Variants in SLC22A2 observed in about 807,000 individuals in gnomAD.
SLC22A2 encodes organic cation transporter 2.
A neutral mutation model predicts 60.5 loss-of-function variants in SLC22A2; 46 were observed. That is an observed-to-expected ratio of 0.76 (90% CI 0.60 to 0.97). SLC22A2 has a LOEUF of 0.97. Among genes scored for constraint, SLC22A2 ranks in the 50% least tolerant of loss-of-function variants. SLC22A2 has a pLI of 0.00. For synonymous variants in SLC22A2, 303 were observed against 267.0 expected, an observed-to-expected ratio of 1.13 and a Z score of -1.31; for missense variants, 701 against 706.6, an observed-to-expected ratio of 0.99 and a Z score of 0.09.
rs113380863 is a variant in SLC22A2 at position 160,242,170 on chromosome 6, G to A, written c.1388+124C>T. 124 of 700,164 alleles carry A rather than the reference G, an allele frequency of 1.8e-4. 1 individual carries two copies. Among genetic ancestry groups the A allele is most frequent in the African/African-American group, 1.5e-3 (85 of 57,232 alleles). 43.4% of individuals were successfully genotyped at this position (700,164 alleles called of 1,614,324 possible). On this transcript the variant is annotated intron_variant, in intron 8 of 10. Transcript: ENST00000366953. The stretch of plus-strand genomic sequence containing the variant: ...CTGCTGGGCCTGGCTGGACCTTTAC[G>A]TGTTCTCACCTTCCCTTACACTGTG...
intron 7 of SLC22A2, among the ~76,000 whole-genome samples, chr6:160,243,102 T>C (rs979184544): frequency 1.3e-5 from 2 of 152,186 alleles, no homozygotes; most frequent in African/African-American, 4.8e-5. Flanking sequence ...GATTCTCTTA[T>C]CCAGGTATTT....
At chr6:160,243,157 T>G (rs1168943581) in intron 7 of SLC22A2, among the ~76,000 whole-genome samples, 1 of 152,220 alleles carries the variant, frequency 6.6e-6, no homozygotes, top group African/African-American at 2.4e-5. Flanking sequence ...AAAAGGGAAC[T>G]GAATAGTTAT....
chr6:160,243,868 G>A (rs1477107715), intron 6 of SLC22A2, 82 bp from the exon 7 acceptor site: 5 of 915,654 alleles, frequency 5.5e-6, no homozygotes, highest in East Asian at 2.5e-5. Context: ...AAAATAATGT[G>A]GATTGTAGGT....
chr6:160,248,158 G>T (rs1412282205), intron 4 of SLC22A2, among the ~76,000 whole-genome samples: 3 of 152,202 alleles, frequency 2.0e-5, no homozygotes, highest in Non-Finnish European at 4.4e-5. Flanking sequence ...TGGAGTTGGG[G>T]CCTGTGGCAG....
At chr6:160,227,314 C>T (rs967723482) in intron 9 of SLC22A2, among the ~76,000 whole-genome samples, 2 of 152,180 alleles carry the variant, frequency 1.3e-5, no homozygotes, top group Admixed American at 6.5e-5. Flanking sequence ...TTAACTCAGG[C>T]ACTCTTTTCT....
At chr6:160,231,808 C>A (rs1364270475) in intron 9 of SLC22A2, among the ~76,000 whole-genome samples, 1 of 151,924 alleles carries the variant, frequency 6.6e-6, no homozygotes, top group Non-Finnish European at 1.5e-5. Flanking sequence ...TAAAAAACAG[C>A]CCTAAAAGCT....
chr6:160,224,740 C>T lies in SLC22A2; in HGVS notation c.1566G>A (p.Leu522=). Residue 522 remains leucine (L), a synonymous_variant, in exon 10 of 11, where the codon TTG becomes TTA. Coordinates refer to ENST00000366953, the MANE Select transcript of SLC22A2 (RefSeq NM_003058.4). ...LLLPETKGKA[L]PETIEEAENM... ...TTTCGGCTTCCTCGATGGTCTCAGG[C>T]AAAGCTTTCCCTTTAGTTTCTGGAA... The T allele has an allele frequency of 6.2e-7, 1 of 1,607,746 alleles. No homozygotes were observed. The highest frequency in any genetic ancestry group is 8.5e-7 in the Non-Finnish European group (1 of 1,176,420).
In SLC22A2 at chr6:160,216,812, T is replaced by C. The variant is rs3127592; in HGVS notation, c.*620A>G. On this transcript the variant is annotated 3_prime_UTR_variant, in exon 11 of 11. Transcript: ENST00000366953. Reference sequence around the variant, plus strand: ...TCTTCTCAAGGTCTTTTGTAGAAAATACACATTCATGCTTACCCAATCTAA... The same window carrying C: ...TCTTCTCAAGGTCTTTTGTAGAAAACACACATTCATGCTTACCCAATCTAA... 0.12 allele frequency: 18,427 copies of C among 152,092 alleles called. 1,293 individuals carry two copies. The highest frequency in any genetic ancestry group is 0.16 in the African/African-American group (6,803 of 41,416). The allele number at this position is 152,092 out of a possible 1,614,324, so 9.4% of individuals were successfully genotyped here.
chr6:160,225,727 T>C (rs1583390352), intron 9 of SLC22A2, among the ~76,000 whole-genome samples: 1 of 152,228 alleles, frequency 6.6e-6, no homozygotes, highest in Non-Finnish European at 1.5e-5. Context: ...GGTTTCTCTA[T>C]ACATTGTGAA....
chr6:160,248,783 G>C (rs2114868200), intron 4 of SLC22A2, among the ~76,000 whole-genome samples: 1 of 152,232 alleles, frequency 6.6e-6, no homozygotes, highest in East Asian at 1.9e-4. Context: ...TGATTCACTG[G>C]GGATGTCTGC....
rs1783319808 is a variant in SLC22A2, at chr6:160,258,604, G to A, written c.154C>T (p.Arg52Trp). The A allele has an allele frequency of 2.5e-6, 4 of 1,613,968 alleles. No individual in the cohort carries two copies. The highest frequency in any genetic ancestry group is 2.2e-5 in the East Asian group (1 of 44,886). The change falls in exon 1 of 11, where the codon CGG becomes TGG. Residue 52 changes from arginine to tryptophan, a missense_variant. Arg to Trp is a moderately radical substitution (Grantham distance 101). Coordinates refer to ENST00000366953, the MANE Select transcript of SLC22A2 (RefSeq NM_003058.4). ...CTCAGCTCGGCCACTCCGGGGCTCC[G>A]GCAGCGGTGGTCAGGGGTGAAGCCC... ...FLGFTPDHRCRSPGVAELSLR... is the reference protein window; with the variant it reads ...FLGFTPDHRCWSPGVAELSLR...
chr6:160,220,782 T>C (rs1782632063), intron 10 of SLC22A2, among the ~76,000 whole-genome samples: 1 of 152,172 alleles, frequency 6.6e-6, no homozygotes, highest in African/African-American at 2.4e-5. Flanking sequence ...CAGTAATCTT[T>C]TGAAAGCAAT....
chr6:160,253,517 C>G (rs1783220488), intron 2 of SLC22A2, among the ~76,000 whole-genome samples: 1 of 152,086 alleles, frequency 6.6e-6, no homozygotes, highest in African/African-American at 2.4e-5. Flanking sequence ...GGTCTGGTGT[C>G]CAAGCCCCGC....
At chr6:160,247,983 G>A (rs946982399) in intron 4 of SLC22A2, among the ~76,000 whole-genome samples, 3 of 152,192 alleles carry the variant, frequency 2.0e-5, no homozygotes, top group Non-Finnish European at 4.4e-5. Flanking sequence ...CACTCTGGGA[G>A]CGAAGTTGCT....
chr6:160,258,797 C>G lies in SLC22A2; in HGVS notation c.-40G>C, dbSNP rs1783325690. ...GAGGGCCCGAGGCTGCCCGACGTGC[C>G]CGGAGCGAGGCTGAGAGCGGCTGCA... On this transcript the variant is annotated 5_prime_UTR_variant, in exon 1 of 11. Coordinates refer to ENST00000366953, the MANE Select transcript of SLC22A2 (RefSeq NM_003058.4). The G allele has an allele frequency of 2.7e-6, 4 of 1,507,020 alleles. No individual in the cohort carries two copies. The East Asian group carries it at 6.9e-5, about 26-fold the overall frequency. 93.4% of individuals were successfully genotyped at this position (1,507,020 alleles called of 1,614,324 possible). A position where few individuals can be genotyped will look rare whatever the true frequency, so the allele number is the denominator to read the frequency against.
chr6:160,256,985 C>T (rs1276240534), intron 1 of SLC22A2, among the ~76,000 whole-genome samples: 4 of 150,918 alleles, frequency 2.7e-5, no homozygotes, highest in Middle Eastern at 3.2e-3. Flanking sequence ...ACTGCAGCCT[C>T]GACCTCCTGG....
intron 10 of SLC22A2, among the ~76,000 whole-genome samples, chr6:160,221,561 A>G (rs745881785): frequency 6.6e-6 from 1 of 152,156 alleles, no homozygotes; most frequent in African/African-American, 2.4e-5. Context: ...TGACTTCCTC[A>G]TTGAGCTTAA....
intron 2 of SLC22A2, among the ~76,000 whole-genome samples, chr6:160,253,395 G>A (rs1448711483): frequency 2.6e-5 from 4 of 152,296 alleles, no homozygotes; most frequent in Admixed American, 6.5e-5. Context: ...ATTAAAAGGG[G>A]CTGGAGATTG....
chr6:160,219,306 T>TAG (rs996925864), intron 10 of SLC22A2, among the ~76,000 whole-genome samples: 1 of 132,168 alleles, frequency 7.6e-6, no homozygotes, highest in African/African-American at 2.9e-5. Flanking sequence ...GCAAAAACAA[T>TAG]AGCAGCAGTA....
Sources: gnomAD v4.1 joint callset for allele counts (sites outside exome capture counted in the v4.1 genomes callset) on GRCh38, gnomAD v4.1.1 for gene constraint, MANE v1.5 for transcripts, NCBI Gene and HGNC (gene_info 2026-07-23, HGNC 2026-07-21) for gene names.